The following PDCD4 variants were observed in gnomAD, a reference collection of about 807,000 sequenced individuals.
PDCD4 encodes programmed cell death protein 4.
A neutral mutation model predicts 54.0 loss-of-function variants in PDCD4; 56 were observed. The observed-to-expected ratio is 1.04, with a 90% CI of 0.84 to 1.30. The LOEUF (loss-of-function observed/expected upper bound fraction) is 1.30. Among genes scored for constraint, PDCD4 ranks in the 50% most tolerant of loss-of-function variants. The pLI, the probability that PDCD4 is intolerant of heterozygous loss-of-function variation, is 0.00. For missense variants in PDCD4, 584 were observed against 559.8 expected (o/e 1.04, Z -0.44); for synonymous variants, 186 against 194.8 (o/e 0.95, Z 0.37).
intron 2 of PDCD4, 31 bp downstream of exon 2, chr10:110,876,101 C>A: frequency 6.4e-7 from 1 of 1,572,268 alleles, no homozygotes; most frequent in East Asian, 2.3e-5. Flanking sequence ...TTCTTTTTTT[C>A]TTCGTTTTGA....
rs892875475 is a variant in PDCD4 at position 110,898,666 on chromosome 10, A to G, written c.*578A>G. The G allele has an allele frequency of 3.9e-5, 6 of 152,624 alleles. No homozygotes were observed. Among genetic ancestry groups the G allele is most frequent in the African/African-American group, 1.2e-4 (5 of 41,442 alleles). The allele number at this position is 152,624 out of a possible 1,614,324, so 9.5% of individuals were successfully genotyped here. A position where few individuals can be genotyped will look rare whatever the true frequency, so the allele number is the denominator to read the frequency against. On this transcript the variant is annotated 3_prime_UTR_variant, in exon 12 of 12. Coordinates refer to ENST00000280154, the MANE Select transcript of PDCD4 (RefSeq NM_014456.5). ...TAAGTAAAAGGTGGCTGGAACATCT[A>G]TTTTTCTACAAAACTGGAAAAATGA...
intron 8 of PDCD4, among the ~76,000 whole-genome samples, chr10:110,891,546 T>A (rs548638768): frequency 6.8e-4 from 104 of 152,078 alleles, no homozygotes; most frequent in African/African-American, 2.4e-3. Flanking sequence ...TCTGCAGATC[T>A]CTTTAAGAAA....
chr10:110,879,640 G>A lies in PDCD4; in HGVS notation c.44-1593G>A, dbSNP rs148284728. Among the ~76,000 whole-genome samples the A allele has an allele frequency of 2.9e-3, 426 of 145,270 alleles. 2 individuals carry two copies. Among genetic ancestry groups the A allele is most frequent in the African/African-American group, 0.011 (416 of 39,096 alleles). On this transcript the variant is annotated intron_variant, in intron 2 of 11. Transcript: ENST00000280154. ...TGCACTCCAGCCTGGGTGACAGAGC[G>A]ACACGCTGTCTCAAAAAAAAAAAAA...
Position 110,896,106 on chromosome 10 carries a change from A to G in PDCD4, c.1349+19A>G. ...CTTCAAGGTACTTTATTTAAATACT[A>G]CTTTCTCAATGTAAAATAGTGGATG... On this transcript the variant is annotated intron_variant, in intron 11 of 11. Transcript: ENST00000280154. 2 of 1,556,856 alleles carry G rather than the reference A, an allele frequency of 1.3e-6. No individual in the cohort carries two copies. Among genetic ancestry groups the G allele is most frequent in the Non-Finnish European group, 1.7e-6 (2 of 1,144,172 alleles).
At chr10:110,872,717 C>T (rs540275750) in intron 1 of PDCD4, among the ~76,000 whole-genome samples, 4 of 152,244 alleles carry the variant, frequency 2.6e-5, no homozygotes, top group Non-Finnish European at 4.4e-5. Context: ...GCCCGTCTTC[C>T]GGCAAAGGGT....
intron 5 of PDCD4, 66 bp from the exon 6 acceptor site, chr10:110,887,599 A>G: frequency 8.5e-7 from 1 of 1,171,898 alleles, no homozygotes; most frequent in Non-Finnish European, 1.2e-6. Context: ...TTTCAAAAAT[A>G]AAATTTTATT....
intron 11 of PDCD4, 145 bp downstream of exon 11, chr10:110,896,232 GT>G: frequency 1.6e-6 from 1 of 626,438 alleles, no homozygotes. Context: ...GGCGAAGCTT[GT>G]TTTAGCCCCC....
At chr10:110,874,427 CAG>C (rs1476075739) in intron 1 of PDCD4, among the ~76,000 whole-genome samples, 1 of 152,080 alleles carries the variant, frequency 6.6e-6, no homozygotes, top group South Asian at 2.1e-4. Flanking sequence ...GGAATTAAAA[CAG>C]AATGTAGCCT....
intron 1 of PDCD4, among the ~76,000 whole-genome samples, chr10:110,873,579 A>G (rs1173774426): frequency 1.3e-5 from 2 of 152,198 alleles, no homozygotes; most frequent in African/African-American, 2.4e-5. Flanking sequence ...TCTAACTTGT[A>G]TGTATAGTTT....
At chr10:110,880,765 A>G (rs1845578100) in intron 2 of PDCD4, among the ~76,000 whole-genome samples, 1 of 152,222 alleles carries the variant, frequency 6.6e-6, no homozygotes, top group Non-Finnish European at 1.5e-5. Context: ...AAACTTGTGC[A>G]TAAATAAATG....
At chr10:110,894,671 T>A in intron 10 of PDCD4, 149 bp downstream of exon 10, 1 of 415,744 alleles carries the variant, frequency 2.4e-6, no homozygotes, top group Non-Finnish European at 4.3e-6. Context: ...TGGTAATGTT[T>A]GAGGTTTGAA....
At chr10:110,882,419 GT>G (rs1445083895) in intron 3 of PDCD4, among the ~76,000 whole-genome samples, 1 of 152,144 alleles carries the variant, frequency 6.6e-6, no homozygotes, top group Non-Finnish European at 1.5e-5. Flanking sequence ...TCTTTTGGTT[GT>G]TTTGTATTTA....
At chr10:110,885,415 A>G (rs1845655841) in intron 5 of PDCD4, 49 bp downstream of exon 5, 1 of 808,638 alleles carries the variant, frequency 1.2e-6, no homozygotes, top group South Asian at 1.6e-5. Flanking sequence ...GAGAGAAGAC[A>G]TCTTTTATAA....
In PDCD4 at chr10:110,898,039, G is replaced by A. The variant is rs1849398863; in HGVS notation, c.1361G>A (p.Arg454His). ...RDLCPSRGRK[R>H]FVSEGDGGRL... ...TTTCTTCATTACAGGGGCAGAAAGCGTTTTGTAAGCGAAGGAGATGGAGGT... is the reference window on the plus strand; with the variant it reads ...TTTCTTCATTACAGGGGCAGAAAGCATTTTGTAAGCGAAGGAGATGGAGGT... Residue 454 changes from arginine (R) to histidine (H), a missense_variant, in exon 12 of 12, where the codon CGT becomes CAT. Transcript: ENST00000280154. 1.3e-6 allele frequency: 2 copies of A among 1,588,870 alleles called. No individual in the cohort carries two copies. The highest frequency in any genetic ancestry group is 2.3e-5 in the East Asian group (1 of 44,224).
At chr10:110,887,911 C>A in intron 6 of PDCD4, 25 bp downstream of exon 6, 1 of 1,421,752 alleles carries the variant, frequency 7.0e-7, no homozygotes, top group Non-Finnish European at 9.9e-7. Flanking sequence ...TCTTTTTGTT[C>A]ATTCCCTCCC....
chr10:110,878,599 T>G (rs565639703), intron 2 of PDCD4, among the ~76,000 whole-genome samples: 1 of 152,346 alleles, frequency 6.6e-6, no homozygotes, highest in Non-Finnish European at 1.5e-5. Flanking sequence ...TTATCTCTCT[T>G]TACATTCACG....
chr10:110,889,349 G>C (rs1389715025), intron 6 of PDCD4, among the ~76,000 whole-genome samples, 184 bp from the exon 7 acceptor site: 1 of 151,928 alleles, frequency 6.6e-6, no homozygotes, highest in African/African-American at 2.4e-5. Context: ...TGAAGGTTAA[G>C]ATGTGGGAGT....
chr10:110,898,157 A>ATTTTT lies in PDCD4; in HGVS notation c.*69_*70insTTTTT. 1 of 672,994 alleles carries ATTTTT rather than the reference A, an allele frequency of 1.5e-6. No homozygotes were observed. The highest frequency in any genetic ancestry group is 2.1e-6 in the Non-Finnish European group (1 of 482,600). The allele number at this position is 672,994 out of a possible 1,614,324, so 41.7% of individuals were successfully genotyped here. Reference sequence around the variant, plus strand: ...CTGAATTGTAAGAGTTGTTAGCACAAGTTTTTTTTTTTTTTTTTTTTAAGC... The same window carrying ATTTTT: ...CTGAATTGTAAGAGTTGTTAGCACAATTTTTGTTTTTTTTTTTTTTTTTTTTAAGC... On this transcript the variant is annotated 3_prime_UTR_variant, in exon 12 of 12. Coordinates refer to ENST00000280154, the MANE Select transcript of PDCD4 (RefSeq NM_014456.5).
At chr10:110,895,619 G>A (rs1045587525) in intron 10 of PDCD4, among the ~76,000 whole-genome samples, 14 of 152,092 alleles carry the variant, frequency 9.2e-5, no homozygotes, top group Admixed American at 3.3e-4. Flanking sequence ...CGGGTTGAAC[G>A]GTAATTCTAT....
Sources: allele counts gnomAD v4.1 joint callset (sites outside exome capture counted in the v4.1 genomes callset), GRCh38; gene constraint gnomAD v4.1.1; transcripts MANE v1.5; gene names NCBI Gene and HGNC (gene_info 2026-07-23, HGNC 2026-07-21).